EPC2: variants seen among roughly 807,000 people sequenced by gnomAD.
The protein encoded by EPC2 is enhancer of polycomb 2, also known as enhancer of polycomb homolog 2.
A neutral mutation model predicts 92.1 loss-of-function variants in EPC2; 14 were observed. That is an observed-to-expected ratio of 0.15 (90% CI 0.10 to 0.24). The LOEUF (loss-of-function observed/expected upper bound fraction) is 0.24. Among genes scored for constraint, EPC2 ranks in the 10% least tolerant of loss-of-function variants. EPC2 has a pLI of 1.00. For missense variants in EPC2, 755 were observed against 971.5 expected, an observed-to-expected ratio of 0.78 and a Z score of 2.96; for synonymous variants, 340 against 334.7, an observed-to-expected ratio of 1.02 and a Z score of -0.17.
rs375263029 is a variant in EPC2, at chr2:148,645,177, A to C, written c.153+7A>C. On this transcript the variant is annotated splice_region_variant and intron_variant, in intron 1 of 13. Transcript: ENST00000258484. ...GGAGAAGGAGGAGGAATCGGTAGGG[A>C]CTCGAGTGTTTATTACCCCCCCTTC... 3.8e-6 allele frequency: 6 copies of C among 1,597,218 alleles called. No individual in the cohort carries two copies. The highest frequency in any genetic ancestry group is 5.1e-6 in the Non-Finnish European group (6 of 1,171,480).
chr2:148,771,503 G>T (rs570481753), intron 10 of EPC2, 116 bp downstream of exon 10: 2 of 960,890 alleles, frequency 2.1e-6, no homozygotes, highest in Admixed American at 2.7e-5. Context: ...AAACAAAATT[G>T]TTCTGTTCTG....
intron 2 of EPC2, among the ~76,000 whole-genome samples, chr2:148,706,498 A>G (rs561388836): frequency 2.0e-5 from 3 of 152,298 alleles, no homozygotes; most frequent in African/African-American, 4.8e-5. Context: ...TACAGAGAAC[A>G]CCACAAAGAT....
At chr2:148,705,115 C>T (rs962203614) in intron 2 of EPC2, among the ~76,000 whole-genome samples, 3 of 151,946 alleles carry the variant, frequency 2.0e-5, no homozygotes, top group Non-Finnish European at 4.4e-5. Context: ...AAGAAAAGGA[C>T]TTGTGTCTTT....
At chr2:148,784,472 G>T (rs142087399) in intron 12 of EPC2, among the ~76,000 whole-genome samples, 196 bp from the exon 13 acceptor site, 1 of 152,364 alleles carries the variant, frequency 6.6e-6, no homozygotes, top group African/African-American at 2.4e-5. Context: ...CCAGTAGAAA[G>T]AGGGTGTTTT....
chr2:148,774,930 AC>A (rs1683597749), intron 10 of EPC2, among the ~76,000 whole-genome samples: 1 of 151,692 alleles, frequency 6.6e-6, no homozygotes, highest in African/African-American at 2.4e-5. Flanking sequence ...TACTAAAAAT[AC>A]AAAAAAAATT....
rs1018347993 is a variant in EPC2, at chr2:148,690,136, C to CAA, written c.154-76_154-75dup. 3.0e-6 allele frequency: 4 copies of CAA among 1,351,658 alleles called. No individual in the cohort carries two copies. The East Asian group carries it at 1.0e-4, about 34-fold the overall frequency. 83.7% of individuals were successfully genotyped at this position (1,351,658 alleles called of 1,614,324 possible). A position where few individuals can be genotyped will look rare whatever the true frequency, so the allele number is the denominator to read the frequency against. On this transcript the variant is annotated intron_variant, in intron 1 of 13. Coordinates refer to ENST00000258484, the MANE Select transcript of EPC2 (RefSeq NM_015630.4). The stretch of plus-strand genomic sequence containing the variant: ...CTTAAAGCACTTTGTGATTATTAAA[C>CAA]AAAGTAACTTTTATATAAAATTATG...
intron 1 of EPC2, among the ~76,000 whole-genome samples, chr2:148,660,186 A>G (rs776382724): frequency 1.1e-4 from 16 of 152,122 alleles, no homozygotes; most frequent in Non-Finnish European, 1.5e-5. Context: ...GAATAGGTCT[A>G]TGTGTGTAAG....
At chr2:148,707,119 C>G (rs1418307259) in intron 2 of EPC2, among the ~76,000 whole-genome samples, 1 of 152,130 alleles carries the variant, frequency 6.6e-6, no homozygotes, top group Non-Finnish European at 1.5e-5. Flanking sequence ...CGTGCAGAGA[C>G]ACACATAGGC....
At chr2:148,758,828 G>A (rs1412853087) in intron 4 of EPC2, among the ~76,000 whole-genome samples, 1 of 152,186 alleles carries the variant, frequency 6.6e-6, no homozygotes, top group African/African-American at 2.4e-5. Flanking sequence ...AATATGACAT[G>A]AGAAGGATAC....
chr2:148,685,041 A>G (rs1681486389), intron 1 of EPC2, among the ~76,000 whole-genome samples: 1 of 152,004 alleles, frequency 6.6e-6, no homozygotes, highest in Admixed American at 6.6e-5. Context: ...TCTTCTGTAA[A>G]TTGCCTATTT....
intron 2 of EPC2, among the ~76,000 whole-genome samples, chr2:148,712,731 A>G (rs764134658): frequency 2.6e-5 from 4 of 152,014 alleles, no homozygotes; most frequent in Admixed American, 6.6e-5. Flanking sequence ...AAAAATGAAA[A>G]CAATAGCCAG....
At chr2:148,758,177 T>G (rs1036618849) in intron 4 of EPC2, among the ~76,000 whole-genome samples, 1 of 133,784 alleles carries the variant, frequency 7.5e-6, no homozygotes, top group Admixed American at 7.5e-5. Context: ...GGTGGGTGGG[T>G]GTGGATGGAT....
intron 1 of EPC2, among the ~76,000 whole-genome samples, chr2:148,684,035 T>A (rs567675539): frequency 4.6e-5 from 7 of 152,340 alleles, no homozygotes; most frequent in African/African-American, 1.7e-4. Flanking sequence ...TACTTTTTAA[T>A]TTTTAAATTA....
chr2:148,688,157 A>G (rs959704950), intron 1 of EPC2, among the ~76,000 whole-genome samples: 2 of 152,080 alleles, frequency 1.3e-5, no homozygotes, highest in Admixed American at 6.6e-5. Context: ...CTTGGAACCA[A>G]CCCAAATGTC....
chr2:148,693,883 C>T (rs544181827), intron 2 of EPC2, among the ~76,000 whole-genome samples: 2 of 152,282 alleles, frequency 1.3e-5, no homozygotes, highest in Non-Finnish European at 2.9e-5. Flanking sequence ...GTTTGCCCCA[C>T]CCCTCCTGTG....
At chr2:148,769,482 C>G (rs1054438180) in intron 8 of EPC2, among the ~76,000 whole-genome samples, 1 of 152,086 alleles carries the variant, frequency 6.6e-6, no homozygotes, top group Non-Finnish European at 1.5e-5. Context: ...ATTTTGGGCT[C>G]TAATTATAGC....
intron 6 of EPC2, 66 bp from the exon 7 acceptor site, chr2:148,764,889 G>A: frequency 8.1e-7 from 1 of 1,236,416 alleles, no homozygotes. Flanking sequence ...GAGCAGTATA[G>A]TTTTTCATGA....
chr2:148,763,344 G>C (rs1334266444), intron 6 of EPC2, among the ~76,000 whole-genome samples: 2 of 152,068 alleles, frequency 1.3e-5, no homozygotes, highest in African/African-American at 4.8e-5. Context: ...AGACTCAGTG[G>C]TTATTTTAGT....
intron 10 of EPC2, among the ~76,000 whole-genome samples, chr2:148,774,624 T>TATTATATATATATATATA (rs935978031): frequency 0.011 from 1,489 of 132,418 alleles, 43 homozygotes; most frequent in Admixed American, 0.015. Flanking sequence ...AAAATATATT[T>TATTATATATATATATATA]TATATATATA....
Sources: allele counts gnomAD v4.1 joint callset (sites outside exome capture counted in the v4.1 genomes callset), GRCh38; gene constraint gnomAD v4.1.1; transcripts MANE v1.5; gene names NCBI Gene and HGNC (gene_info 2026-07-23, HGNC 2026-07-21).